The following SRGAP3 variants were observed in gnomAD, a reference collection of about 807,000 sequenced individuals.
SRGAP3 encodes the protein SLIT-ROBO Rho GTPase-activating protein 3.
A neutral mutation model predicts 121.1 loss-of-function variants in SRGAP3; 39 were observed. The observed-to-expected ratio is 0.32, with a 90% CI of 0.25 to 0.42. SRGAP3 has a LOEUF of 0.42. Among genes scored for constraint, SRGAP3 ranks in the 10% least tolerant of loss-of-function variants. The probability of loss-of-function intolerance (pLI) is 1.00; values close to 1 mark genes in which losing one functional copy is unlikely to be tolerated. For missense variants in SRGAP3, 1,213 were observed against 1,470.6 expected, an observed-to-expected ratio of 0.82 and a Z score of 2.86; for synonymous variants, 601 against 570.0, an observed-to-expected ratio of 1.05 and a Z score of -0.77.
In SRGAP3 at chr3:9,150,871, G is replaced by A. The variant is rs113774657; in HGVS notation, c.68-25954C>T. On this transcript the variant is annotated intron_variant, in intron 1 of 21. Coordinates refer to ENST00000383836, the MANE Select transcript of SRGAP3 (RefSeq NM_014850.4). ...ACATCTTGCAAGCCCCAGATCACAT[G>A]CTATGGAGGACTGAATGATGGCTGA... Among the ~76,000 whole-genome samples the A allele has an allele frequency of 4.7e-3, 716 of 152,298 alleles. 4 individuals carry two copies. Among genetic ancestry groups the A allele is most frequent in the African/African-American group, 0.016 (672 of 41,560 alleles).
intron 6 of SRGAP3, chr3:9,059,945 T>C (rs538592576): frequency 9.4e-6 from 4 of 427,308 alleles, no homozygotes; most frequent in South Asian, 6.1e-5. Context: ...AAGGACCTGG[T>C]GTCCAGGAGG....
chr3:9,300,456 C>G (rs1955037461), intron 3 of SRGAP3, among the ~76,000 whole-genome samples: 1 of 151,992 alleles, frequency 6.6e-6, no homozygotes, highest in Non-Finnish European at 1.5e-5. Flanking sequence ...TGCCCCTGTG[C>G]TCCTTTGGGC....
At position 9,242,077 on chromosome 3, in the gene SRGAP3, CAAAAA is replaced by C. The variant is rs142186507; in HGVS notation, c.67+6803_67+6807del. Among the ~76,000 whole-genome samples the C allele has an allele frequency of 8.8e-5, 6 of 68,518 alleles. No homozygotes were observed. In the East Asian group the frequency reaches 2.2e-3, roughly 25 times the overall value. 45.0% of individuals were successfully genotyped at this position (68,518 alleles called of 152,430 possible). On this transcript the variant is annotated intron_variant, in intron 1 of 21. Coordinates refer to ENST00000383836, the MANE Select transcript of SRGAP3 (RefSeq NM_014850.4). ...TGGCTGACAGAATGACACCCTAATT[CAAAAA>C]AAAAAAAAAAAAAAAAAGAGGAAGG...
rs1941574250 is a variant in SRGAP3 at position 8,984,477 on chromosome 3, C to A, written c.*1042G>T. 4.3e-6 allele frequency: 1 copy of A among 232,248 alleles called. No homozygotes were observed. Among genetic ancestry groups the A allele is most frequent in the Admixed American group, 5.6e-5 (1 of 17,738 alleles). 14.4% of individuals were successfully genotyped at this position (232,248 alleles called of 1,614,324 possible). A position where few individuals can be genotyped will look rare whatever the true frequency, so the allele number is the denominator to read the frequency against. On this transcript the variant is annotated 3_prime_UTR_variant, in exon 22 of 22. Transcript: ENST00000383836. Reference sequence around the variant, plus strand: ...TAGTTTGAAAATGATATAAGTTAAACCTCTATAGTTACCACAGATTTATTC... The same window carrying A: ...TAGTTTGAAAATGATATAAGTTAAAACTCTATAGTTACCACAGATTTATTC...
chr3:9,260,796 G>C (rs546058548), intron 3 of SRGAP3, among the ~76,000 whole-genome samples: 1 of 152,246 alleles, frequency 6.6e-6, no homozygotes, highest in Non-Finnish European at 1.5e-5. Flanking sequence ...AGAAATCACA[G>C]AGAAATCTCT....
chr3:9,097,280 C>G (rs2124883151), intron 3 of SRGAP3, among the ~76,000 whole-genome samples: 1 of 152,134 alleles, frequency 6.6e-6, no homozygotes, highest in South Asian at 2.1e-4. Context: ...TGTGAGCCAC[C>G]ATGCCTGGCC....
At chr3:9,316,138 T>C (rs995817001) in intron 3 of SRGAP3, among the ~76,000 whole-genome samples, 7 of 152,208 alleles carry the variant, frequency 4.6e-5, no homozygotes, top group African/African-American at 1.2e-4. Flanking sequence ...AACCTCCGCC[T>C]CTTGGATTCA....
chr3:9,122,901 T>A (rs1201531906), intron 2 of SRGAP3, among the ~76,000 whole-genome samples: 1 of 152,064 alleles, frequency 6.6e-6, no homozygotes, highest in Non-Finnish European at 1.5e-5. Flanking sequence ...CAGAGTGGAA[T>A]GCAAAAAATG....
chr3:9,213,293 T>A (rs1018284774), intron 1 of SRGAP3, among the ~76,000 whole-genome samples: 27 of 151,394 alleles, frequency 1.8e-4, no homozygotes, highest in African/African-American at 5.8e-4. Context: ...TGTTGATTCA[T>A]CATAGGCACC....
chr3:9,139,258 T>C (rs1949768575), intron 1 of SRGAP3, among the ~76,000 whole-genome samples: 1 of 152,152 alleles, frequency 6.6e-6, no homozygotes, highest in Non-Finnish European at 1.5e-5. Flanking sequence ...CCAAGAGACA[T>C]CCAGTTCCTA....
intron 1 of SRGAP3, among the ~76,000 whole-genome samples, chr3:9,150,611 C>A (rs548076180): frequency 2.2e-4 from 34 of 152,270 alleles, no homozygotes; most frequent in Non-Finnish European, 2.9e-4. Flanking sequence ...CTGCCACCCA[C>A]CTAAAGCTGC....
intron 10 of SRGAP3, among the ~76,000 whole-genome samples, chr3:9,042,756 G>T (rs1197954243): frequency 6.6e-6 from 1 of 152,208 alleles, no homozygotes; most frequent in African/African-American, 2.4e-5. Context: ...TGTTAGAGCT[G>T]ATGGCAGCCC....
chr3:9,248,690 C>G (rs1233140931), intron 1 of SRGAP3, among the ~76,000 whole-genome samples, 195 bp downstream of exon 1: 2 of 152,158 alleles, frequency 1.3e-5, no homozygotes, highest in African/African-American at 4.8e-5. Flanking sequence ...TCCACACTCC[C>G]AGCCCCAGCG....
At chr3:9,336,938 C>T (rs1341450602) in intron 1 of SRGAP3, among the ~76,000 whole-genome samples, 1 of 151,994 alleles carries the variant, frequency 6.6e-6, no homozygotes, top group African/African-American at 2.4e-5. Context: ...CACTATGTTG[C>T]CTAGGCTGGT....
intron 3 of SRGAP3, among the ~76,000 whole-genome samples, chr3:9,089,171 G>T (rs1047118898): frequency 6.6e-6 from 1 of 151,968 alleles, no homozygotes; most frequent in African/African-American, 2.4e-5. Flanking sequence ...TTACAGGTAT[G>T]AGTCACGGTG....
intron 3 of SRGAP3, among the ~76,000 whole-genome samples, chr3:9,319,991 T>C (rs1217952250): frequency 5.3e-5 from 8 of 151,948 alleles, no homozygotes; most frequent in African/African-American, 1.9e-4. Context: ...TCTCATCCTT[T>C]TGAGGAACAA....
intron 4 of SRGAP3, among the ~76,000 whole-genome samples, chr3:9,079,163 A>G (rs960178715): frequency 2.2e-4 from 33 of 150,848 alleles, no homozygotes; most frequent in Admixed American, 2.2e-3. Context: ...ATTCTCCCCA[A>G]CACACAAACA....
chr3:9,018,133 C>T (rs540374583), intron 14 of SRGAP3, among the ~76,000 whole-genome samples: 2 of 152,330 alleles, frequency 1.3e-5, no homozygotes, highest in South Asian at 4.1e-4. Context: ...GCTTATTTCA[C>T]TTAACATAAT....
chr3:9,261,873 AT>A (rs1358930282), intron 3 of SRGAP3, among the ~76,000 whole-genome samples: 1 of 90,198 alleles, frequency 1.1e-5, no homozygotes, highest in East Asian at 2.2e-4. Context: ...CTCCTCATAT[AT>A]TTAAAAAAAA....
Sources: gnomAD v4.1 joint callset for allele counts (sites outside exome capture counted in the v4.1 genomes callset) on GRCh38, gnomAD v4.1.1 for gene constraint, MANE v1.5 for transcripts, NCBI Gene and HGNC (gene_info 2026-07-23, HGNC 2026-07-21) for gene names.